The following PTPN9 variants were observed in gnomAD, a reference collection of about 807,000 sequenced individuals.
PTPN9 encodes tyrosine-protein phosphatase non-receptor type 9.
A neutral mutation model predicts 69.8 loss-of-function variants in PTPN9; 26 were observed. The observed-to-expected ratio is 0.37, with a 90% CI of 0.27 to 0.52. PTPN9 has a LOEUF of 0.52. PTPN9 is among the 20% of genes least tolerant of loss of function. The pLI is 0.91. For synonymous variants in PTPN9, 274 were observed against 272.5 expected, an observed-to-expected ratio of 1.01 and a Z score of -0.05; for missense variants, 549 against 740.3, an observed-to-expected ratio of 0.74 and a Z score of 3.00.
intron 9 of PTPN9, among the ~76,000 whole-genome samples, chr15:75,478,441 T>C (rs1351466040): frequency 6.6e-6 from 1 of 152,194 alleles, no homozygotes; most frequent in Non-Finnish European, 1.5e-5. Context: ...GATCTTGCTG[T>C]GTCAGCCAGG....
intron 1 of PTPN9, among the ~76,000 whole-genome samples, chr15:75,550,291 G>A (rs1230749217): frequency 6.8e-6 from 1 of 147,590 alleles, no homozygotes; most frequent in Non-Finnish European, 1.5e-5. Context: ...TTAGCCTCCC[G>A]AGTAGCTGGG....
intron 1 of PTPN9, among the ~76,000 whole-genome samples, chr15:75,567,688 G>A (rs1009161098): frequency 6.6e-6 from 1 of 152,106 alleles, no homozygotes; most frequent in Non-Finnish European, 1.5e-5. Context: ...TACAGAAACG[G>A]CCTTTCCCAA....
At chr15:75,476,725 A>T (rs1179058574) in intron 9 of PTPN9, among the ~76,000 whole-genome samples, 2 of 152,138 alleles carry the variant, frequency 1.3e-5, no homozygotes, top group Non-Finnish European at 2.9e-5. Flanking sequence ...ATGAGGGATT[A>T]TTTTTGTTTT....
At chr15:75,529,450 T>C (rs1198988890) in intron 1 of PTPN9, among the ~76,000 whole-genome samples, 1 of 152,208 alleles carries the variant, frequency 6.6e-6, no homozygotes, top group East Asian at 1.9e-4. Context: ...CCCACAGTTA[T>C]GACTTATTTA....
intron 5 of PTPN9, among the ~76,000 whole-genome samples, chr15:75,516,780 C>G (rs1272188876): frequency 1.6e-5 from 2 of 125,124 alleles, no homozygotes; most frequent in African/African-American, 6.3e-5. Context: ...CAGTCTCGCT[C>G]TGTCGCCAGG....
intron 12 of PTPN9, among the ~76,000 whole-genome samples, chr15:75,469,309 A>G (rs1307707315): frequency 1.3e-5 from 2 of 152,256 alleles, no homozygotes; most frequent in Admixed American, 6.5e-5. Context: ...AGAGTCCACA[A>G]GTTTTTCAGA....
chr15:75,493,066 G>C (rs2074720313), intron 7 of PTPN9, among the ~76,000 whole-genome samples: 1 of 151,940 alleles, frequency 6.6e-6, no homozygotes, highest in South Asian at 2.1e-4. Context: ...GAGGTAGGAG[G>C]ATCACCTAAG....
At chr15:75,545,875 G>T (rs757689136) in intron 1 of PTPN9, among the ~76,000 whole-genome samples, 2 of 152,192 alleles carry the variant, frequency 1.3e-5, no homozygotes, top group Non-Finnish European at 2.9e-5. Context: ...CTTGAGCCAG[G>T]GATGGGAGGA....
chr15:75,529,828 T>C (rs758727115), intron 1 of PTPN9, among the ~76,000 whole-genome samples: 2 of 151,990 alleles, frequency 1.3e-5, no homozygotes, highest in African/African-American at 4.8e-5. Context: ...GAAAATTGCT[T>C]GAACCCAGGA....
chr15:75,530,304 AG>A (rs2074949499), intron 1 of PTPN9, among the ~76,000 whole-genome samples: 1 of 141,376 alleles, frequency 7.1e-6, no homozygotes, highest in African/African-American at 2.6e-5. Flanking sequence ...CGGGAGGCCA[AG>A]GCAGGAAGAT....
chr15:75,561,691 ATTTATTTTTTAT>A (rs1220007274), intron 1 of PTPN9, among the ~76,000 whole-genome samples: 2 of 152,036 alleles, frequency 1.3e-5, no homozygotes, highest in Non-Finnish European at 2.9e-5. Flanking sequence ...TGCCCGGCTA[ATTTATTTTTTAT>A]TTTATTTTTT....
chr15:75,497,313 G>T (rs1225265874), intron 7 of PTPN9, among the ~76,000 whole-genome samples: 1 of 151,324 alleles, frequency 6.6e-6, no homozygotes, highest in African/African-American at 2.4e-5. Flanking sequence ...AACAGAGCAA[G>T]ACTCCATCTC....
intron 1 of PTPN9, among the ~76,000 whole-genome samples, chr15:75,556,875 C>A (rs1244497518): frequency 2.0e-5 from 3 of 152,170 alleles, no homozygotes; most frequent in Non-Finnish European, 4.4e-5. Flanking sequence ...CTTTCCACAG[C>A]CTCTGGTATT....
chr15:75,503,793 C>T (rs1260105038), intron 7 of PTPN9, among the ~76,000 whole-genome samples: 1 of 106,582 alleles, frequency 9.4e-6, no homozygotes, highest in Middle Eastern at 8.9e-3. Flanking sequence ...GCCCCCCGTC[C>T]GGGAGGGAGG....
chr15:75,545,833 C>CA (rs1201799073), intron 1 of PTPN9, among the ~76,000 whole-genome samples: 1 of 152,146 alleles, frequency 6.6e-6, no homozygotes, highest in Non-Finnish European at 1.5e-5. Context: ...CCTGTAGTCC[C>CA]AGCTACTTGG....
chr15:75,561,196 T>C (rs2075102827), intron 1 of PTPN9, among the ~76,000 whole-genome samples: 1 of 151,586 alleles, frequency 6.6e-6, no homozygotes, highest in African/African-American at 2.4e-5. Flanking sequence ...ATGCCTGTAA[T>C]CCCAGCTACT....
chr15:75,510,851 C>G (rs2074842290), intron 5 of PTPN9, among the ~76,000 whole-genome samples: 1 of 152,042 alleles, frequency 6.6e-6, no homozygotes, highest in Non-Finnish European at 1.5e-5. Context: ...AACCCTGTAC[C>G]CATTAAATAA....
intron 8 of PTPN9, among the ~76,000 whole-genome samples, chr15:75,483,686 A>G (rs1214575584): frequency 1.3e-5 from 2 of 152,200 alleles, no homozygotes; most frequent in Non-Finnish European, 2.9e-5. Context: ...TTAAATAGGT[A>G]AATTGTATGG....
chr15:75,471,011 A>C, intron 10 of PTPN9, 181 bp from the exon 11 acceptor site: 2 of 708,948 alleles, frequency 2.8e-6, no homozygotes, highest in Non-Finnish European at 4.5e-6. Context: ...AAATGTACTC[A>C]CAGCTAAAGT....
Sources: gnomAD v4.1 joint callset for allele counts (sites outside exome capture counted in the v4.1 genomes callset) on GRCh38, gnomAD v4.1.1 for gene constraint, MANE v1.5 for transcripts, NCBI Gene and HGNC (gene_info 2026-07-23, HGNC 2026-07-21) for gene names.